SPAG16: variants seen among roughly 807,000 people sequenced by gnomAD.
The protein encoded by SPAG16 is sperm-associated antigen 16 protein.
SPAG16 carries 86 observed loss-of-function variants against 80.4 expected under a neutral mutation model. The ratio of observed to expected loss-of-function variants is 1.07; its 90% confidence interval spans 0.90 to 1.28. The LOEUF (loss-of-function observed/expected upper bound fraction) is 1.28. Ranked by LOEUF, SPAG16 falls within the 50% of genes most tolerant of loss-of-function variation. SPAG16 has a pLI of 0.00. For synonymous variants in SPAG16, 294 were observed against 265.9 expected (o/e 1.11, Z -1.03); for missense variants, 870 against 765.3 (o/e 1.14, Z -1.61).
chr2:213,866,923 C>A (rs1051085247), intron 11 of SPAG16, among the ~76,000 whole-genome samples: 1 of 152,112 alleles, frequency 6.6e-6, no homozygotes, highest in Admixed American at 6.5e-5. Flanking sequence ...TGTGGAAATC[C>A]TTTAAGTTTT....
chr2:214,043,258 G>A (rs2049133708), intron 13 of SPAG16, among the ~76,000 whole-genome samples: 1 of 151,902 alleles, frequency 6.6e-6, no homozygotes, highest in African/African-American at 2.4e-5. Flanking sequence ...CATTTTCCAG[G>A]GAGAAGAGCC....
chr2:213,682,094 C>G (rs1231602761), intron 10 of SPAG16, among the ~76,000 whole-genome samples: 2 of 152,170 alleles, frequency 1.3e-5, no homozygotes, highest in African/African-American at 2.4e-5. Context: ...TTCAAATAGG[C>G]TTATGTATCT....
At chr2:214,154,050 C>T (rs987216209) in intron 15 of SPAG16, among the ~76,000 whole-genome samples, 1 of 152,144 alleles carries the variant, frequency 6.6e-6, no homozygotes, top group Non-Finnish European at 1.5e-5. Flanking sequence ...TAATGCTACA[C>T]ATTTTTGTGA....
At chr2:214,053,953 G>T (rs1040578676) in intron 13 of SPAG16, among the ~76,000 whole-genome samples, 1 of 152,092 alleles carries the variant, frequency 6.6e-6, no homozygotes, top group Non-Finnish European at 1.5e-5. Context: ...AGAATTCAAG[G>T]TTAATAATAG....
chr2:214,179,958 G>C (rs1289855257), intron 15 of SPAG16, among the ~76,000 whole-genome samples: 1 of 151,424 alleles, frequency 6.6e-6, no homozygotes, highest in Non-Finnish European at 1.5e-5. Flanking sequence ...AAGCCATTCT[G>C]GGTTAGCAGT....
At chr2:213,690,594 T>C (rs1367310160) in intron 10 of SPAG16, among the ~76,000 whole-genome samples, 1 of 152,190 alleles carries the variant, frequency 6.6e-6, no homozygotes, top group African/African-American at 2.4e-5. Flanking sequence ...TTTGAGTTAG[T>C]AGACTGGGAG....
At chr2:213,993,172 C>A (rs930933165) in intron 12 of SPAG16, among the ~76,000 whole-genome samples, 7 of 152,202 alleles carry the variant, frequency 4.6e-5, no homozygotes, top group Admixed American at 4.6e-4. Context: ...CAGGTAGCAG[C>A]TGCTGCTGAC....
intron 10 of SPAG16, among the ~76,000 whole-genome samples, chr2:213,668,935 A>G (rs998079659): frequency 1.3e-5 from 2 of 152,208 alleles, no homozygotes; most frequent in Non-Finnish European, 2.9e-5. Flanking sequence ...GGCATGAGCC[A>G]CTGCGCCCGG....
At chr2:213,753,480 T>C (rs1273451369) in intron 10 of SPAG16, among the ~76,000 whole-genome samples, 1 of 152,238 alleles carries the variant, frequency 6.6e-6, no homozygotes, top group Admixed American at 6.5e-5. Flanking sequence ...AATTTTAATA[T>C]ATGTATGAAT....
At chr2:213,949,179 T>TTTTTTTTTTTTTTTTTGTTTTGTTTTG (rs1553677674) in intron 12 of SPAG16, among the ~76,000 whole-genome samples, 5 of 36,264 alleles carry the variant, frequency 1.4e-4, no homozygotes, top group Non-Finnish European at 1.1e-4. Flanking sequence ...GTTTTTTTTT[T>TTTTTTTTTTTTTTTTTGTTTTGTTTTG]TTTTTTTTTT....
intron 9 of SPAG16, among the ~76,000 whole-genome samples, chr2:213,456,979 G>A (rs2072056804): frequency 6.6e-6 from 1 of 150,760 alleles, no homozygotes; most frequent in South Asian, 2.1e-4. Flanking sequence ...TGAGTTATGT[G>A]TCCTTCATTT....
chr2:213,826,472 A>G (rs1303909166), intron 10 of SPAG16, among the ~76,000 whole-genome samples: 5 of 150,960 alleles, frequency 3.3e-5, no homozygotes, highest in African/African-American at 4.8e-5. Flanking sequence ...AAATTTTTCA[A>G]TTTCCTTCTT....
chr2:214,288,523 A>T (rs542245114), intron 15 of SPAG16, among the ~76,000 whole-genome samples: 3 of 152,060 alleles, frequency 2.0e-5, no homozygotes, highest in Admixed American at 2.0e-4. Flanking sequence ...TATAGTGGTT[A>T]TACTAACTTT....
At chr2:213,577,968 G>A (rs958482796) in intron 10 of SPAG16, among the ~76,000 whole-genome samples, 2 of 151,902 alleles carry the variant, frequency 1.3e-5, no homozygotes, top group African/African-American at 4.8e-5. Flanking sequence ...GCTTGCATTC[G>A]ATTTTTGCTC....
chr2:213,923,111 C>A (rs2078299463), intron 11 of SPAG16, among the ~76,000 whole-genome samples: 1 of 152,080 alleles, frequency 6.6e-6, no homozygotes, highest in African/African-American at 2.4e-5. Context: ...CTGCCTGCAC[C>A]CCTCAGCAAA....
intron 9 of SPAG16, among the ~76,000 whole-genome samples, chr2:213,407,708 CAG>C (rs1329263447): frequency 3.9e-4 from 43 of 110,522 alleles, no homozygotes; most frequent in Non-Finnish European, 6.4e-4. Context: ...GAGAGAGAGA[CAG>C]AGGAAAGAGA....
At chr2:214,216,989 A>G (rs1355275376) in intron 15 of SPAG16, among the ~76,000 whole-genome samples, 2 of 152,212 alleles carry the variant, frequency 1.3e-5, no homozygotes, top group Non-Finnish European at 2.9e-5. Flanking sequence ...AATTTTTACA[A>G]TCTTTTTTTA....
intron 12 of SPAG16, among the ~76,000 whole-genome samples, chr2:213,943,650 G>T (rs567606857): frequency 5.9e-5 from 9 of 152,146 alleles, no homozygotes; most frequent in Admixed American, 2.0e-4. Flanking sequence ...GGATCAGCTT[G>T]GTTCCTCCTG....
chr2:213,690,220 C>G (rs983887716), intron 10 of SPAG16, among the ~76,000 whole-genome samples: 2 of 152,168 alleles, frequency 1.3e-5, no homozygotes, highest in African/African-American at 4.8e-5. Context: ...TCGTCTTAGT[C>G]TTAGTCCATT....
Sources: allele counts gnomAD v4.1 joint callset (sites outside exome capture counted in the v4.1 genomes callset), GRCh38; gene constraint gnomAD v4.1.1; transcripts MANE v1.5; gene names NCBI Gene and HGNC (gene_info 2026-07-23, HGNC 2026-07-21).